Variants in PRKG2 observed in about 807,000 individuals in gnomAD.
PRKG2 encodes the protein protein kinase cGMP-dependent 2.
Under a neutral mutation model 97.2 loss-of-function variants are expected in PRKG2, and 33 were observed. The ratio of observed to expected loss-of-function variants is 0.34; its 90% confidence interval spans 0.26 to 0.45. The LOEUF is 0.45. Ranked by LOEUF, PRKG2 falls within the 20% of genes least tolerant of loss-of-function variation. The probability of loss-of-function intolerance (pLI) is 1.00; values close to 1 mark genes in which losing one functional copy is unlikely to be tolerated. For missense variants in PRKG2, 638 were observed against 900.0 expected, an observed-to-expected ratio of 0.71 and a Z score of 3.73; for synonymous variants, 330 against 321.8, an observed-to-expected ratio of 1.03 and a Z score of -0.27.
chr4:81,208,197 G>T (rs1753781199), intron 1 of PRKG2, among the ~76,000 whole-genome samples: 1 of 152,052 alleles, frequency 6.6e-6, no homozygotes, highest in South Asian at 2.1e-4. Context: ...CTACAAAAGG[G>T]AATATATTTA....
chr4:81,178,512 C>T (rs1334073116), intron 2 of PRKG2, among the ~76,000 whole-genome samples: 2 of 151,876 alleles, frequency 1.3e-5, no homozygotes, highest in East Asian at 1.9e-4. Flanking sequence ...CAGTAGAAAA[C>T]GTGAATATTT....
rs529669550 is a variant in PRKG2 at position 81,142,947 on chromosome 4, C to T, written c.1254G>A (p.Lys418=). The change falls in exon 11 of 19, where the codon AAG becomes AAA. Residue 418 remains lysine (K), a splice_region_variant and synonymous_variant. Coordinates refer to ENST00000264399, the MANE Select transcript of PRKG2 (RefSeq NM_006259.3). ...ACAGCTTCCAGTTAGACATGGACCG[C>T]CTGTACAAGAGAAGTGAAACTTTAC... ...LNRDDEKRHA[K]RSMSNWKLSK... 1.1e-5 allele frequency: 18 copies of T among 1,604,508 alleles called. No individual in the cohort carries two copies. Among genetic ancestry groups the T allele is most frequent in the Non-Finnish European group, 1.4e-5 (17 of 1,174,060 alleles).
rs143873572 is a variant in PRKG2 at position 81,108,199 on chromosome 4, C to T, written c.1940+2249G>A. On this transcript the variant is annotated intron_variant, in intron 15 of 18. Transcript: ENST00000264399. ...CAGCCTGGGCAACACAGCAAGACTC[C>T]ATCTCAAAAATAAATAAATAATAAA... 3.9e-3 allele frequency among the ~76,000 whole-genome samples: 591 copies of T among 152,146 alleles called. 4 individuals are homozygous for T. Among genetic ancestry groups the T allele is most frequent in the African/African-American group, 0.013 (560 of 41,520 alleles).
At chr4:81,143,176 G>A (rs751911811) in intron 10 of PRKG2, among the ~76,000 whole-genome samples, 7 of 152,110 alleles carry the variant, frequency 4.6e-5, no homozygotes, top group Non-Finnish European at 7.3e-5. Context: ...GGAAATAGAC[G>A]AATGCCAAGT....
intron 12 of PRKG2, among the ~76,000 whole-genome samples, chr4:81,140,102 CA>C (rs1464000028): frequency 6.6e-6 from 1 of 151,964 alleles, no homozygotes; most frequent in Non-Finnish European, 1.5e-5. Flanking sequence ...GAAATCAAAG[CA>C]ATTGAATTCA....
intron 2 of PRKG2, chr4:81,175,933 A>G (rs1750884158): frequency 6.6e-6 from 1 of 152,134 alleles, no homozygotes; most frequent in Non-Finnish European, 1.5e-5. Flanking sequence ...AAAACTCAGC[A>G]TGATTTTTTA....
At chr4:81,114,894 C>T (rs1744354106) in intron 14 of PRKG2, among the ~76,000 whole-genome samples, 2 of 152,012 alleles carry the variant, frequency 1.3e-5, no homozygotes, top group South Asian at 2.1e-4. Flanking sequence ...TTAGATAAAT[C>T]TTAACATATT....
intron 2 of PRKG2, among the ~76,000 whole-genome samples, chr4:81,203,323 A>G (rs1405881139): frequency 6.6e-6 from 1 of 152,148 alleles, no homozygotes; most frequent in Non-Finnish European, 1.5e-5. Context: ...ACAGGATATT[A>G]TAATTAATAA....
At chr4:81,206,400 G>T (rs1301288690) in intron 1 of PRKG2, among the ~76,000 whole-genome samples, 1 of 152,090 alleles carries the variant, frequency 6.6e-6, no homozygotes, top group Non-Finnish European at 1.5e-5. Flanking sequence ...TAGTGAATAG[G>T]TCTCATGAGA....
At position 81,156,374 on chromosome 4, in the gene PRKG2, A is replaced by C. The variant is rs531150091; in HGVS notation, c.913-2653T>G. On this transcript the variant is annotated intron_variant, in intron 6 of 18. Coordinates refer to ENST00000264399, the MANE Select transcript of PRKG2 (RefSeq NM_006259.3). ...GTAAAGGGATCAATTCAGCAAGAAG[A>C]GCTAACTATCCTAAATATATATGCA... 3.4e-4 allele frequency among the ~76,000 whole-genome samples: 52 copies of C among 152,358 alleles called. 1 individual carries two copies. The highest frequency in any genetic ancestry group is 1.2e-3 in the African/African-American group (51 of 41,584).
chr4:81,189,054 T>TAA (rs1462589613), intron 2 of PRKG2, among the ~76,000 whole-genome samples: 4 of 10,784 alleles, frequency 3.7e-4, no homozygotes, highest in East Asian at 2.1e-3. Flanking sequence ...AAAAAAAGAT[T>TAA]AAAAAAAATA....
chr4:81,216,925 G>C (rs1022179642), upstream of PRKG2, among the ~76,000 whole-genome samples: 2 of 147,158 alleles, frequency 1.4e-5, no homozygotes, highest in Non-Finnish European at 3.0e-5. Context: ...GTGTGTGTGT[G>C]TGTGTGTAGT....
At chr4:81,122,604 T>C (rs1745169979) in intron 14 of PRKG2, among the ~76,000 whole-genome samples, 1 of 152,168 alleles carries the variant, frequency 6.6e-6, no homozygotes, top group Non-Finnish European at 1.5e-5. Context: ...TCTCCTCTTA[T>C]TTAGGCCTTT....
intron 2 of PRKG2, among the ~76,000 whole-genome samples, chr4:81,187,325 G>A (rs1469827968): frequency 6.6e-6 from 1 of 152,142 alleles, no homozygotes; most frequent in Non-Finnish European, 1.5e-5. Context: ...TTCAACATAT[G>A]CAAATCAAAA....
chr4:81,217,039 ATATATATATATATATGTG>A (rs1165605147), upstream of PRKG2, among the ~76,000 whole-genome samples: 14 of 139,936 alleles, frequency 1.0e-4, no homozygotes, highest in Admixed American at 7.0e-4. Flanking sequence ...TTGTATATAT[ATATATATATATATATGTG>A]TATATATATA....
chr4:81,211,355 C>CTA (rs1753963132), intron 1 of PRKG2, among the ~76,000 whole-genome samples: 1 of 152,014 alleles, frequency 6.6e-6, no homozygotes, highest in Admixed American at 6.5e-5. Flanking sequence ...TATAGAAAGT[C>CTA]TATTAGTTTA....
rs543789004 is a variant in PRKG2, at chr4:81,213,605, A to G, written c.-14+1331T>C. Among the ~76,000 whole-genome samples, 4 of 152,324 alleles carry G rather than the reference A, an allele frequency of 2.6e-5. No homozygotes were observed. In the East Asian group the frequency reaches 7.7e-4, roughly 29 times the overall value. On this transcript the variant is annotated intron_variant, in intron 1 of 18. Coordinates refer to ENST00000264399, the MANE Select transcript of PRKG2 (RefSeq NM_006259.3). ...AGCCTGCAAGACGATATCATGATTC[A>G]TGTGAGGGATTTTTAAAATAATGAA... is the stretch of plus-strand genomic sequence containing the variant.
chr4:81,179,572 A>C (rs537532906), intron 2 of PRKG2, among the ~76,000 whole-genome samples: 2 of 152,354 alleles, frequency 1.3e-5, no homozygotes, highest in African/African-American at 2.4e-5. Context: ...GAAGGAAGAA[A>C]GAGCAATGGA....
upstream of PRKG2, among the ~76,000 whole-genome samples, chr4:81,215,607 A>G (rs1187490502): frequency 2.0e-5 from 3 of 151,648 alleles, no homozygotes; most frequent in Admixed American, 2.0e-4. Flanking sequence ...CTTCCCTCCC[A>G]GAGCTCAAAC....
Sources: gnomAD v4.1 joint callset for allele counts (sites outside exome capture counted in the v4.1 genomes callset) on GRCh38, gnomAD v4.1.1 for gene constraint, MANE v1.5 for transcripts, NCBI Gene and HGNC (gene_info 2026-07-23, HGNC 2026-07-21) for gene names.